Variants in ANXA11 observed in about 807,000 individuals in gnomAD.
The protein encoded by ANXA11 is annexin A11.
In ANXA11, 57 loss-of-function variants were observed where a neutral mutation model predicts 64.7. The observed-to-expected ratio is 0.88, with a 90% CI of 0.71 to 1.10. The LOEUF is 1.10. ANXA11 is among the 50% of genes least tolerant of loss of function. ANXA11 has a pLI of 0.00. For synonymous variants in ANXA11, 260 were observed against 265.2 expected (o/e 0.98, Z 0.19); for missense variants, 675 against 670.7 (o/e 1.01, Z -0.07).
chr10:80,175,397 GCC>G (rs1247083429), intron 2 of ANXA11, among the ~76,000 whole-genome samples: 1 of 152,030 alleles, frequency 6.6e-6, no homozygotes, highest in East Asian at 1.9e-4. Context: ...TCCACTCCTG[GCC>G]TCCTCTCAGA....
intron 12 of ANXA11, among the ~76,000 whole-genome samples, chr10:80,160,934 A>G (rs962435904): frequency 3.3e-5 from 5 of 151,894 alleles, no homozygotes; most frequent in Non-Finnish European, 5.9e-5. Flanking sequence ...CACGTGTCCA[A>G]TTCATCAGCA....
At chr10:80,184,609 A>T (rs1247837510) in intron 1 of ANXA11, among the ~76,000 whole-genome samples, 2 of 152,198 alleles carry the variant, frequency 1.3e-5, no homozygotes, top group Non-Finnish European at 2.9e-5. Flanking sequence ...CAGTGTGTTT[A>T]TATAACTATA....
rs1465744163 is a variant in ANXA11 at position 80,169,052 on chromosome 10, G to A, written c.478C>T (p.Leu160Phe). The change falls in exon 5 of 16, where the codon CTC (leucine) becomes TTC (phenylalanine). Residue 160 changes from leucine to phenylalanine, a missense_variant. Leu to Phe is a conservative substitution (Grantham distance 22). Coordinates refer to ENST00000422982, the MANE Select transcript of ANXA11 (RefSeq NM_145868.2). ...VTYPGQPPVP[L>F]PGQQQPVPSY... Reference sequence around the variant, plus strand: ...GGCACTGGCTGCTGCTGCCCAGGGAGTGGCACTGGAGGCTGACCAGGGTAG... The same window carrying A: ...GGCACTGGCTGCTGCTGCCCAGGGAATGGCACTGGAGGCTGACCAGGGTAG... 1 of 1,542,582 alleles carries A rather than the reference G, an allele frequency of 6.5e-7. No individual in the cohort carries two copies. The highest frequency in any genetic ancestry group is 8.7e-7 in the Non-Finnish European group (1 of 1,150,438).
chr10:80,159,218 T>TCCCC, intron 12 of ANXA11, 23 bp from the exon 13 acceptor site: 1 of 1,591,840 alleles, frequency 6.3e-7, no homozygotes, highest in East Asian at 2.2e-5. Context: ...CAGAGGCTTA[T>TCCCC]ATTATGAACT....
chr10:80,181,197 T>A (rs1589439211), intron 1 of ANXA11: 1 of 152,212 alleles, frequency 6.6e-6, no homozygotes, highest in East Asian at 1.9e-4. Flanking sequence ...ATGCCTATAA[T>A]CCCAGCACTT....
In ANXA11 at chr10:80,178,586, G is replaced by C. The variant is rs192404541; in HGVS notation, c.-57-2431C>G. ...GCAGCTGTGCACCTGATTTCATCCA[G>C]CTGGGGCCCTCTCCAGTTAAATCGG... On this transcript the variant is annotated intron_variant, in intron 1 of 15. Coordinates refer to ENST00000422982, the MANE Select transcript of ANXA11 (RefSeq NM_145868.2). Among the ~76,000 whole-genome samples, 62 of 152,322 alleles carry C rather than the reference G, an allele frequency of 4.1e-4. 1 individual carries two copies. Among genetic ancestry groups the C allele is most frequent in the Admixed American group, 3.5e-3 (54 of 15,308 alleles).
In ANXA11 at chr10:80,165,822, G is replaced by C. The variant is rs545891871; in HGVS notation, c.858+262C>G. 2.0e-5 allele frequency among the ~76,000 whole-genome samples: 3 copies of C among 152,270 alleles called. No homozygotes were observed. In the East Asian group the frequency reaches 5.8e-4, roughly 29 times the overall value. On this transcript the variant is annotated intron_variant, in intron 8 of 15. Coordinates refer to ENST00000422982, the MANE Select transcript of ANXA11 (RefSeq NM_145868.2). ...CGAGCTCCCCCTTTTCTTTAAGATGGAGAGAGACTTAAGCCTCCCTGATGA... is the reference window on the plus strand; with the variant it reads ...CGAGCTCCCCCTTTTCTTTAAGATGCAGAGAGACTTAAGCCTCCCTGATGA...
rs1385800639 is a variant in ANXA11, at chr10:80,154,652, T to G, written c.*1201A>C. 1 of 152,316 alleles carries G rather than the reference T, an allele frequency of 6.6e-6. No individual in the cohort carries two copies. The highest frequency in any genetic ancestry group is 1.9e-4 in the East Asian group (1 of 5,194). The allele number at this position is 152,316 out of a possible 1,614,324, so 9.4% of individuals were successfully genotyped here. On this transcript the variant is annotated 3_prime_UTR_variant, in exon 16 of 16. Coordinates refer to ENST00000422982, the MANE Select transcript of ANXA11 (RefSeq NM_145868.2). The stretch of plus-strand genomic sequence containing the variant: ...TAATTCTCAGAAACTCTCTTATGGA[T>G]TCTCTTCCCTCACACCACCAACCAA...
chr10:80,189,112 T>C (rs1846665714), intron 1 of ANXA11, among the ~76,000 whole-genome samples: 1 of 152,156 alleles, frequency 6.6e-6, no homozygotes, highest in Non-Finnish European at 1.5e-5. Context: ...TTACCCGCCA[T>C]GAAATGGGGA....
chr10:80,194,268 C>CT (rs1234350752), intron 1 of ANXA11, among the ~76,000 whole-genome samples: 1 of 152,172 alleles, frequency 6.6e-6, no homozygotes, highest in African/African-American at 2.4e-5. Flanking sequence ...GAACTCACTG[C>CT]TAGTGCCCCT....
chr10:80,164,627 C>T (rs540921963), intron 8 of ANXA11, among the ~76,000 whole-genome samples: 2 of 152,314 alleles, frequency 1.3e-5, no homozygotes, highest in Non-Finnish European at 2.9e-5. Context: ...AAGGATGAAT[C>T]GGACAACCAC....
At chr10:80,186,095 T>C (rs762289647) in intron 1 of ANXA11, among the ~76,000 whole-genome samples, 1 of 152,208 alleles carries the variant, frequency 6.6e-6, no homozygotes, top group African/African-American at 2.4e-5. Context: ...AGCAACGCGA[T>C]CTTGACAGTT....
intron 1 of ANXA11, among the ~76,000 whole-genome samples, chr10:80,201,477 C>T (rs1185846254): frequency 6.6e-6 from 1 of 152,162 alleles, no homozygotes; most frequent in East Asian, 1.9e-4. Context: ...TATTTGGTAT[C>T]TCAAAGACAC....
intron 8 of ANXA11, 67 bp from the exon 9 acceptor site, chr10:80,164,210 A>G: frequency 7.7e-7 from 1 of 1,293,940 alleles, no homozygotes. Context: ...CTCGGGAAGA[A>G]GGGTGGGGGC....
chr10:80,169,712 A>T (rs1845900254), intron 4 of ANXA11, among the ~76,000 whole-genome samples: 1 of 152,180 alleles, frequency 6.6e-6, no homozygotes, highest in Admixed American at 6.5e-5. Flanking sequence ...CATCCCCATC[A>T]CATCAGCCTG....
chr10:80,192,506 T>C (rs1156498736), intron 1 of ANXA11, among the ~76,000 whole-genome samples: 1 of 152,026 alleles, frequency 6.6e-6, no homozygotes, highest in Non-Finnish European at 1.5e-5. Flanking sequence ...TGATGAGAAA[T>C]AGAGGACAAA....
rs1845175386 is a variant in ANXA11 at position 80,152,560 on chromosome 10, AG to A, written c.*3292del. 1 of 152,536 alleles carries A rather than the reference AG, an allele frequency of 6.6e-6. No homozygotes were observed. Among genetic ancestry groups the A allele is most frequent in the Non-Finnish European group, 1.5e-5 (1 of 68,310 alleles). 9.4% of individuals were successfully genotyped at this position (152,536 alleles called of 1,614,324 possible). A position where few individuals can be genotyped will look rare whatever the true frequency, so the allele number is the denominator to read the frequency against. ...AGGTTCCAGCCCATGCTGAGGTTCG[AG>A]GGGACTGGGTGGATGGGCGATAGCT... On this transcript the variant is annotated 3_prime_UTR_variant, in exon 16 of 16. Transcript: ENST00000422982.
rs1242486927 is a variant in ANXA11, at chr10:80,152,941, A to G, written c.*2912T>C. ...CATCCGAGCCCAAGAACATCTGTAC[A>G]GCGTCAGCAGGGCAGTTATACCTTT... On this transcript the variant is annotated 3_prime_UTR_variant, in exon 16 of 16. Coordinates refer to ENST00000422982, the MANE Select transcript of ANXA11 (RefSeq NM_145868.2). The G allele has an allele frequency of 6.6e-6, 1 of 152,266 alleles. No individual in the cohort carries two copies. Among genetic ancestry groups the G allele is most frequent in the Admixed American group, 6.5e-5 (1 of 15,284 alleles). The allele number at this position is 152,266 out of a possible 1,614,324, so 9.4% of individuals were successfully genotyped here.
chr10:80,163,598 A>C lies in ANXA11; in HGVS notation c.965T>G (p.Leu322Arg). ...TGTGTCGCTTCGAATGGCCTCTTCC[A>C]GGGTCTTTTTGAATTCTGAAAGGGA... ...RAYKAEFKKTLEEAIRSDTSG... is the reference protein window; with the variant it reads ...RAYKAEFKKTREEAIRSDTSG... Residue 322 changes from leucine to arginine, a missense_variant, in exon 10 of 16, where the codon CTG (leucine) becomes CGG (arginine). Physicochemically the swap from Leu to Arg is moderately radical, Grantham distance 102 (BLOSUM62 -2). Coordinates refer to ENST00000422982, the MANE Select transcript of ANXA11 (RefSeq NM_145868.2). The C allele has an allele frequency of 6.4e-7, 1 of 1,556,130 alleles. No individual in the cohort carries two copies. The highest frequency in any genetic ancestry group is 1.2e-5 in the South Asian group (1 of 84,568).
Sources: gnomAD v4.1 joint callset for allele counts (sites outside exome capture counted in the v4.1 genomes callset) on GRCh38, gnomAD v4.1.1 for gene constraint, MANE v1.5 for transcripts, NCBI Gene and HGNC (gene_info 2026-07-23, HGNC 2026-07-21) for gene names.